Variants in ATXN1 observed in about 807,000 individuals in gnomAD.
The protein encoded by ATXN1 is ataxin-1.
In ATXN1, 8 loss-of-function variants were observed where a neutral mutation model predicts 56.4. The observed-to-expected ratio is 0.14, with a 90% CI of 0.08 to 0.26. The LOEUF (loss-of-function observed/expected upper bound fraction) is 0.26. Among genes scored for constraint, ATXN1 ranks in the 10% least tolerant of loss-of-function variants. The pLI is 1.00. For missense variants in ATXN1, 987 were observed against 1,106.5 expected, an observed-to-expected ratio of 0.89 and a Z score of 1.53; for synonymous variants, 514 against 494.6, an observed-to-expected ratio of 1.04 and a Z score of -0.52.
chr6:16,603,210 C>T (rs935615786), intron 3 of ATXN1, among the ~76,000 whole-genome samples: 2 of 152,154 alleles, frequency 1.3e-5, no homozygotes, highest in Admixed American at 1.3e-4. Context: ...GCCAGGCGTC[C>T]GCTAAAGGCA....
rs190455845 is a variant in ATXN1, at chr6:16,724,308, G to C, written c.-615+28925C>G. Among the ~76,000 whole-genome samples the C allele has an allele frequency of 1.3e-4, 19 of 151,234 alleles. No individual in the cohort carries two copies. In the East Asian group the frequency reaches 2.9e-3, roughly 23 times the overall value. ...TGAAGTCTCCAAAAGAATTTTTTAG[G>C]TGTCTTTTTGATGAGCAGGAATTCC... On this transcript the variant is annotated intron_variant, in intron 2 of 7. Coordinates refer to ENST00000436367, the MANE Select transcript of ATXN1 (RefSeq NM_001128164.2).
intron 2 of ATXN1, among the ~76,000 whole-genome samples, chr6:16,726,621 T>G (rs1759856243): frequency 6.6e-6 from 1 of 151,914 alleles, no homozygotes. Context: ...TCCCAGCACT[T>G]TGGGAGGCCG....
intron 5 of ATXN1, among the ~76,000 whole-genome samples, chr6:16,519,144 G>T (rs946668445): frequency 1.3e-5 from 2 of 152,136 alleles, no homozygotes; most frequent in East Asian, 1.9e-4. Flanking sequence ...GAGCATTAGA[G>T]AAATTTTTTT....
chr6:16,543,208 C>T (rs965088388), intron 4 of ATXN1, among the ~76,000 whole-genome samples: 40 of 152,178 alleles, frequency 2.6e-4, no homozygotes, highest in African/African-American at 9.4e-4. Context: ...TCCTTCCCAC[C>T]GTCCCGCAGC....
chr6:16,441,407 T>C (rs1467145419), intron 6 of ATXN1, among the ~76,000 whole-genome samples: 1 of 151,962 alleles, frequency 6.6e-6, no homozygotes, highest in Admixed American at 6.6e-5. Context: ...CCATCCCTTA[T>C]CCCTAAAAAT....
At chr6:16,336,491 A>T (rs1761125824) in intron 6 of ATXN1, among the ~76,000 whole-genome samples, 1 of 152,100 alleles carries the variant, frequency 6.6e-6, no homozygotes, top group African/African-American at 2.4e-5. Flanking sequence ...CAAGCAGGGG[A>T]CCTCAGGCTC....
intron 6 of ATXN1, among the ~76,000 whole-genome samples, chr6:16,355,808 C>T (rs1048833061): frequency 3.3e-5 from 5 of 152,170 alleles, no homozygotes; most frequent in African/African-American, 1.2e-4. Flanking sequence ...AGGTGATCCA[C>T]CCGCCTTGGC....
chr6:16,373,767 A>G (rs531044961), intron 6 of ATXN1, among the ~76,000 whole-genome samples: 93 of 152,290 alleles, frequency 6.1e-4, no homozygotes, highest in East Asian at 1.7e-3. Flanking sequence ...ATGATTGTGA[A>G]GCCTCCCCAG....
intron 4 of ATXN1, among the ~76,000 whole-genome samples, chr6:16,546,369 C>T (rs1761814231): frequency 6.6e-6 from 1 of 152,186 alleles, no homozygotes. Context: ...CCAGGGCCAT[C>T]ATGTCCAACT....
chr6:16,373,699 A>C (rs1160888711), intron 6 of ATXN1, among the ~76,000 whole-genome samples: 4 of 152,168 alleles, frequency 2.6e-5, no homozygotes, highest in African/African-American at 9.6e-5. Context: ...TCCCCTTTTG[A>C]TTGCCTCTCA....
chr6:16,623,552 T>C (rs9297012), intron 3 of ATXN1, among the ~76,000 whole-genome samples: 5,599 of 152,192 alleles, frequency 0.037, 141 homozygotes, highest in East Asian at 0.13. Flanking sequence ...AGAACAACAA[T>C]AAGTAATCAC....
At chr6:16,471,689 G>A (rs910721768) in intron 6 of ATXN1, among the ~76,000 whole-genome samples, 7 of 47,592 alleles carry the variant, frequency 1.5e-4, no homozygotes, top group Non-Finnish European at 3.1e-4. Context: ...GCATGCATGC[G>A]TGTGTGTGTG....
chr6:16,669,667 C>CTTTTTTTTTTTTTTTTTTTTTT (rs11356086), intron 2 of ATXN1, among the ~76,000 whole-genome samples: 1 of 113,134 alleles, frequency 8.8e-6, no homozygotes, highest in African/African-American at 3.3e-5. Context: ...ACTGAACAAT[C>CTTTTTTTTTTTTTTTTTTTTTT]TTTTTTTTTT....
intron 5 of ATXN1, among the ~76,000 whole-genome samples, chr6:16,491,768 C>A (rs1424608876): frequency 6.6e-6 from 1 of 152,062 alleles, no homozygotes. Flanking sequence ...CCAAAGTCAA[C>A]CAACCTTAAA....
rs1320571671 is a variant in ATXN1, at chr6:16,414,176, G to A, written c.-161+71796C>T. The stretch of plus-strand genomic sequence containing the variant: ...TCACGCCAGCTCTCACCTATATTAA[G>A]TGTTAGACACTTGGTACAGGAACGG... On this transcript the variant is annotated intron_variant, in intron 6 of 7. Transcript: ENST00000436367. 6.6e-5 allele frequency among the ~76,000 whole-genome samples: 10 copies of A among 152,270 alleles called. No individual in the cohort carries two copies. The South Asian group carries it at 8.3e-4, about 13-fold the overall frequency.
chr6:16,405,915 C>T (rs1490112726), intron 6 of ATXN1, among the ~76,000 whole-genome samples: 1 of 152,162 alleles, frequency 6.6e-6, no homozygotes, highest in Admixed American at 6.5e-5. Context: ...GAAGGCCGCA[C>T]TGCAGTGCTC....
chr6:16,517,364 T>C lies in ATXN1; in HGVS notation c.-299+5263A>G, dbSNP rs182312132. Among the ~76,000 whole-genome samples the C allele has an allele frequency of 2.0e-5, 3 of 152,362 alleles. No homozygotes were observed. The East Asian group carries it at 5.8e-4, about 29-fold the overall frequency. On this transcript the variant is annotated intron_variant, in intron 5 of 7. Coordinates refer to ENST00000436367, the MANE Select transcript of ATXN1 (RefSeq NM_001128164.2). The stretch of plus-strand genomic sequence containing the variant: ...ACTGTGGGCCAGCCACTTGACCTCT[T>C]CATGTCCCCAGTTTCCTTTCCCACA...
intron 6 of ATXN1, among the ~76,000 whole-genome samples, chr6:16,407,132 T>TTATA (rs1758702792): frequency 6.6e-6 from 1 of 152,212 alleles, no homozygotes; most frequent in South Asian, 2.1e-4. Flanking sequence ...CATGAGGAAG[T>TTATA]TATAGCTCAG....
chr6:16,400,683 C>G lies in ATXN1; in HGVS notation c.-160-72213G>C, dbSNP rs543678283. On this transcript the variant is annotated intron_variant, in intron 6 of 7. Coordinates refer to ENST00000436367, the MANE Select transcript of ATXN1 (RefSeq NM_001128164.2). ...TATTTATGATGTGTCTCTTTCATAT[C>G]TGACTGTGTGCTAAAGATATTAAGA... 3.9e-5 allele frequency among the ~76,000 whole-genome samples: 6 copies of G among 152,336 alleles called. No homozygotes were observed. In the East Asian group the frequency reaches 1.2e-3, roughly 29 times the overall value.
Sources: gnomAD v4.1 joint callset for allele counts (sites outside exome capture counted in the v4.1 genomes callset) on GRCh38, gnomAD v4.1.1 for gene constraint, MANE v1.5 for transcripts, NCBI Gene and HGNC (gene_info 2026-07-23, HGNC 2026-07-21) for gene names.